Variants in AKAP11 observed in about 807,000 individuals in gnomAD.
AKAP11 encodes the protein A-kinase anchoring protein 11, also known as A-kinase anchor protein 11.
AKAP11 carries 36 observed loss-of-function variants against 146.1 expected under a neutral mutation model. The observed-to-expected ratio is 0.25, with a 90% CI of 0.19 to 0.33. The LOEUF (loss-of-function observed/expected upper bound fraction) is 0.33. Among genes scored for constraint, AKAP11 ranks in the 10% least tolerant of loss-of-function variants. The pLI, the probability that AKAP11 is intolerant of heterozygous loss-of-function variation, is 1.00. For synonymous variants in AKAP11, 780 were observed against 786.5 expected, an observed-to-expected ratio of 0.99 and a Z score of 0.14; for missense variants, 2,201 against 2,197.0, an observed-to-expected ratio of 1.00 and a Z score of -0.04.
intron 3 of AKAP11, among the ~76,000 whole-genome samples, chr13:42,292,147 G>A (rs1039901441): frequency 1.4e-4 from 22 of 152,322 alleles, no homozygotes; most frequent in African/African-American, 5.1e-4. Context: ...TGATCTTCTA[G>A]TGAGTTGAAT....
intron 1 of AKAP11, among the ~76,000 whole-genome samples, chr13:42,285,503 G>A (rs1478358500): frequency 6.6e-6 from 1 of 152,194 alleles, no homozygotes; most frequent in African/African-American, 2.4e-5. Context: ...TTTGAATGCA[G>A]GAGGGCCATA....
Position 42,302,893 on chromosome 13 carries a change from G to A in AKAP11, c.4147G>A (p.Ala1383Thr), listed in dbSNP as rs781656386. The change falls in exon 8 of 13, where the codon GCA (alanine) becomes ACA (threonine). Residue 1383 changes from alanine (A) to threonine (T), a missense_variant. Coordinates refer to ENST00000025301, the MANE Select transcript of AKAP11 (RefSeq NM_016248.4). Reference protein sequence around the residue: ...YRSVKSGLQEAAKTTKVQCNS... With the variant: ...YRSVKSGLQETAKTTKVQCNS... ...ATCTGTTAAATCAGGATTACAGGAAGCAGCTAAGACAACCAAAGTGCAGTG... is the reference window on the plus strand; with the variant it reads ...ATCTGTTAAATCAGGATTACAGGAAACAGCTAAGACAACCAAAGTGCAGTG... 1.9e-6 allele frequency: 3 copies of A among 1,613,826 alleles called. No homozygotes were observed. The highest frequency in any genetic ancestry group is 2.2e-5 in the South Asian group (2 of 91,064).
chr13:42,306,110 A>G (rs922577954), intron 8 of AKAP11, among the ~76,000 whole-genome samples: 1 of 152,194 alleles, frequency 6.6e-6, no homozygotes, highest in African/African-American at 2.4e-5. Context: ...CCTCTTACAG[A>G]AAACAATTGC....
chr13:42,308,426 A>AT (rs752436428), intron 8 of AKAP11, 28 bp from the exon 9 acceptor site: 25 of 1,533,120 alleles, frequency 1.6e-5, no homozygotes, highest in African/African-American at 6.9e-5. Context: ...TTTCAATTTG[A>AT]TTTTTTTTCT....
intron 8 of AKAP11, among the ~76,000 whole-genome samples, chr13:42,306,874 T>C (rs765679346): frequency 6.6e-6 from 1 of 152,188 alleles, no homozygotes; most frequent in Non-Finnish European, 1.5e-5. Context: ...TTTGTAGAGA[T>C]GAGATCTCAC....
At position 42,303,536 on chromosome 13, in the gene AKAP11, A is replaced by G. The variant is rs376822382; in HGVS notation, c.4790A>G (p.Asn1597Ser). The G allele has an allele frequency of 7.4e-6, 12 of 1,614,070 alleles. No individual in the cohort carries two copies. The highest frequency in any genetic ancestry group is 2.2e-5 in the South Asian group (2 of 91,088). The change falls in exon 8 of 13, where the codon AAT becomes AGT. Residue 1597 changes from asparagine (N) to serine (S), a missense_variant. By Grantham distance (46) the Asn-to-Ser change is conservative (BLOSUM62 1). Coordinates refer to ENST00000025301, the MANE Select transcript of AKAP11 (RefSeq NM_016248.4). ...TACTGTGACCTTAAAGAACTCCACA[A>G]TTGCACTGGAAATTCATCTCAGCAC... is the stretch of plus-strand genomic sequence containing the variant. ...CRYCDLKELH[N>S]CTGNSSQHFF...
intron 1 of AKAP11, among the ~76,000 whole-genome samples, chr13:42,281,509 T>C (rs779887519): frequency 6.6e-6 from 1 of 152,158 alleles, no homozygotes; most frequent in Non-Finnish European, 1.5e-5. Context: ...GGTCAAGTAA[T>C]AGGTGATGTC....
In AKAP11 at chr13:42,298,701, G is replaced by T; in HGVS notation, c.520G>T (p.Asp174Tyr). The T allele has an allele frequency of 6.2e-7, 1 of 1,611,620 alleles. No homozygotes were observed. Residue 174 changes from aspartate (D) to tyrosine (Y), a missense_variant, in exon 7 of 13, where the codon GAT becomes TAT. By Grantham distance (160) the Asp-to-Tyr change is radical (BLOSUM62 -3). Around this residue, in one of 3 missense-constraint regions of AKAP11, gnomAD observed 331 missense variants for 347.4 expected, o/e 0.95. Transcript: ENST00000025301. The part of the protein sequence containing the change: ...HQLETTDEDD[D>Y]DTNQSVSSIE... ...ACTTGAGACCACTGATGAAGATGAT[G>T]ATGATACTAACCAGTCTGTGTCATC... is the stretch of plus-strand genomic sequence containing the variant.
At chr13:42,319,048 A>G (rs1960964288) in intron 12 of AKAP11, 40 bp from the exon 13 acceptor site, 3 of 1,581,946 alleles carry the variant, frequency 1.9e-6, no homozygotes, top group Non-Finnish European at 2.6e-6. Flanking sequence ...TTGTTATAAA[A>G]TTGTTTTTGG....
rs1484926127 is a variant in AKAP11 at position 42,320,039 on chromosome 13, C to T, written c.*811C>T. The T allele has an allele frequency of 6.6e-6, 1 of 151,654 alleles. No individual in the cohort carries two copies. The highest frequency in any genetic ancestry group is 1.5e-5 in the Non-Finnish European group (1 of 67,832). The allele number at this position is 151,654 out of a possible 1,614,324, so 9.4% of individuals were successfully genotyped here. ...CCCACTGTTAAAATTTAAAAAGGTGCTTTAAAATAAAACGCCTATAAAGAT... is the reference window on the plus strand; with the variant it reads ...CCCACTGTTAAAATTTAAAAAGGTGTTTTAAAATAAAACGCCTATAAAGAT... On this transcript the variant is annotated 3_prime_UTR_variant, in exon 13 of 13. Transcript: ENST00000025301.
In AKAP11 at chr13:42,300,234, A is replaced by G. The variant is rs1311382174; in HGVS notation, c.1488A>G (p.Ser496=). ...YTYEDYAKSI[S]CEVLGSVLRT... ...ATGAAGACTATGCAAAAAGCATTTC[A>G]TGTGAAGTACTAGGCTCAGTTCTTC... The change falls in exon 8 of 13, where the codon TCA becomes TCG. Residue 496 remains serine (S), a synonymous_variant. Transcript: ENST00000025301. 3.7e-6 allele frequency: 6 copies of G among 1,614,014 alleles called. No homozygotes were observed. The highest frequency in any genetic ancestry group is 2.2e-5 in the South Asian group (2 of 91,070).
chr13:42,287,585 A>G (rs547385556), intron 3 of AKAP11, among the ~76,000 whole-genome samples: 20 of 152,240 alleles, frequency 1.3e-4, no homozygotes, highest in African/African-American at 1.9e-4. Context: ...CGTCTGGCCA[A>G]TTACATTTTA....
rs578183922 is a variant in AKAP11 at position 42,291,498 on chromosome 13, C to T, written c.52-887C>T. On this transcript the variant is annotated intron_variant, in intron 3 of 12. Transcript: ENST00000025301. Reference sequence around the variant, plus strand: ...GAACTCCTTACCTCAAGTGATCCACCCGCCTCCCAAAGTGCTGGGATTACA... The same window carrying T: ...GAACTCCTTACCTCAAGTGATCCACTCGCCTCCCAAAGTGCTGGGATTACA... Among the ~76,000 whole-genome samples, 11 of 152,280 alleles carry T rather than the reference C, an allele frequency of 7.2e-5. No homozygotes were observed. In the South Asian group the frequency reaches 2.1e-3, roughly 29 times the overall value.
chr13:42,278,233 AAAG>A (rs1416052096), intron 1 of AKAP11, among the ~76,000 whole-genome samples: 2 of 152,340 alleles, frequency 1.3e-5, no homozygotes, highest in Admixed American at 6.5e-5. Context: ...CAGAAACTAT[AAAG>A]AAGCAAATAT....
intron 3 of AKAP11, among the ~76,000 whole-genome samples, chr13:42,290,910 C>T (rs1044788993): frequency 3.9e-5 from 6 of 152,160 alleles, no homozygotes; most frequent in African/African-American, 1.4e-4. Context: ...TAGATATTTA[C>T]AGACCAAAAG....
intron 4 of AKAP11, 142 bp from the exon 5 acceptor site, chr13:42,295,553 T>A (rs754748058): frequency 1.3e-6 from 1 of 757,188 alleles, no homozygotes; most frequent in Non-Finnish European, 2.2e-6. Flanking sequence ...GAAAAATATT[T>A]TTGGGTCATC....
chr13:42,288,922 ATACTT>A (rs1170244220), intron 3 of AKAP11, among the ~76,000 whole-genome samples: 2 of 152,180 alleles, frequency 1.3e-5, no homozygotes, highest in African/African-American at 2.4e-5. Context: ...TATGGCAAGA[ATACTT>A]TATAGGGTGA....
chr13:42,303,226 G>A lies in AKAP11; in HGVS notation c.4480G>A (p.Gly1494Arg). 1 of 1,614,056 alleles carries A rather than the reference G, an allele frequency of 6.2e-7. No individual in the cohort carries two copies. Among genetic ancestry groups the A allele is most frequent in the Non-Finnish European group, 8.5e-7 (1 of 1,180,018 alleles). Residue 1494 changes from glycine (G) to arginine (R), a missense_variant, in exon 8 of 13, where the codon GGA becomes AGA. Coordinates refer to ENST00000025301, the MANE Select transcript of AKAP11 (RefSeq NM_016248.4). ...AGATTCTTGCTTGTTTGAAAAATCT[G>A]GATATGAAGAAGATAATGAGTGTCA... ...LTDSCLFEKS[G>R]YEEDNECHVT...
rs746925599 is a variant in AKAP11, at chr13:42,300,260, G to A, written c.1514G>A (p.Arg505His). 1.2e-5 allele frequency: 19 copies of A among 1,613,522 alleles called. No individual in the cohort carries two copies. The highest frequency in any genetic ancestry group is 1.3e-5 in the African/African-American group (1 of 74,818). The stretch of plus-strand genomic sequence containing the variant: ...TGTGAAGTACTAGGCTCAGTTCTTC[G>A]TACCCACCATACTAATACCCTATCA... ...ISCEVLGSVL[R>H]THHTNTLSNI... The change falls in exon 8 of 13, where the codon CGT (arginine) becomes CAT (histidine). Residue 505 changes from arginine to histidine, a missense_variant. By Grantham distance (29) the Arg-to-His change is conservative. This residue lies in a region of AKAP11 where 1,867 missense variants were observed against 1,833.5 expected (regional missense o/e 1.02). Transcript: ENST00000025301.
Sources: allele counts gnomAD v4.1 joint callset (sites outside exome capture counted in the v4.1 genomes callset), GRCh38; gene constraint gnomAD v4.1.1; regional missense constraint gnomAD v4.1.1; transcripts MANE v1.5; gene names NCBI Gene and HGNC (gene_info 2026-07-23, HGNC 2026-07-21).